PTPRJ: variants seen among roughly 807,000 people sequenced by gnomAD.
The protein encoded by PTPRJ is protein tyrosine phosphatase receptor type J.
Under a neutral mutation model 141.3 loss-of-function variants are expected in PTPRJ, and 129 were observed. The ratio of observed to expected loss-of-function variants is 0.91; its 90% confidence interval spans 0.79 to 1.06. The LOEUF (loss-of-function observed/expected upper bound fraction) is 1.06, where lower values mean the gene tolerates loss of function less well. PTPRJ is among the 50% of genes least tolerant of loss of function. PTPRJ has a pLI of 0.00. For synonymous variants in PTPRJ, 610 were observed against 640.5 expected, an observed-to-expected ratio of 0.95 and a Z score of 0.72; for missense variants, 1,601 against 1,679.7, an observed-to-expected ratio of 0.95 and a Z score of 0.82.
At chr11:48,043,830 C>G (rs867433135) in intron 1 of PTPRJ, among the ~76,000 whole-genome samples, 7 of 152,098 alleles carry the variant, frequency 4.6e-5, no homozygotes, top group African/African-American at 1.4e-4. Flanking sequence ...GCTTCTTTCT[C>G]GAAACCATCC....
In PTPRJ at chr11:48,139,728, G is replaced by A. The variant is rs1397382232; in HGVS notation, c.2395G>A (p.Gly799Arg). The A allele has an allele frequency of 1.2e-6, 2 of 1,614,134 alleles. No individual in the cohort carries two copies. The highest frequency in any genetic ancestry group is 2.2e-5 in the South Asian group (2 of 91,080). Residue 799 changes from glycine (G) to arginine (R), a missense_variant, in exon 11 of 25, where the codon GGA becomes AGA. Gly to Arg is a moderately radical substitution (Grantham distance 125). Transcript: ENST00000418331. ...YNISITTVSC[G>R]KMAAPTRNTC... ...CATCAGCATCACCACTGTGTCCTGT[G>A]GAAAGATGGCAGCCCCCACCCGGAA... is the stretch of plus-strand genomic sequence containing the variant.
intron 1 of PTPRJ, among the ~76,000 whole-genome samples, chr11:48,006,403 A>C (rs1368660591): frequency 6.6e-6 from 1 of 152,122 alleles, no homozygotes; most frequent in Non-Finnish European, 1.5e-5. Flanking sequence ...GACATGCAGC[A>C]GGTGCAGGCA....
At chr11:47,995,629 T>A (rs1042839550) in intron 1 of PTPRJ, among the ~76,000 whole-genome samples, 5 of 152,194 alleles carry the variant, frequency 3.3e-5, no homozygotes, top group African/African-American at 1.2e-4. Flanking sequence ...CTGACCCAGA[T>A]TAAGTGATGT....
chr11:48,046,528 T>G (rs1256969529), intron 1 of PTPRJ, among the ~76,000 whole-genome samples: 2 of 152,084 alleles, frequency 1.3e-5, no homozygotes, highest in East Asian at 3.9e-4. Flanking sequence ...TTGGCTTTGG[T>G]GGATGAGACT....
rs1441075790 is a variant in PTPRJ at position 48,127,975 on chromosome 11, A to G, written c.1289A>G (p.Tyr430Cys). The change falls in exon 7 of 25, where the codon TAC becomes TGC. Residue 430 changes from tyrosine to cysteine, a missense_variant. Tyr to Cys is a radical substitution (Grantham distance 194, BLOSUM62 -2). Coordinates refer to ENST00000418331, the MANE Select transcript of PTPRJ (RefSeq NM_002843.4). ...CCCGGACTCCGCTCCAGCACCTTCT[A>G]CAACATCACAGTGTGTCCTGTCCTA... ...VIPGLRSSTFYNITVCPVLGD... is the reference protein window; with the variant it reads ...VIPGLRSSTFCNITVCPVLGD... The G allele has an allele frequency of 1.2e-6, 2 of 1,614,026 alleles. No individual in the cohort carries two copies. The highest frequency in any genetic ancestry group is 1.7e-6 in the Non-Finnish European group (2 of 1,180,026).
At chr11:48,146,481 G>A (rs991099614) in intron 14 of PTPRJ, among the ~76,000 whole-genome samples, 1 of 152,194 alleles carries the variant, frequency 6.6e-6, no homozygotes, top group Non-Finnish European at 1.5e-5. Context: ...CCTGTCACCT[G>A]AGCATGGATG....
intron 3 of PTPRJ, among the ~76,000 whole-genome samples, chr11:48,118,328 C>G (rs922494035): frequency 6.6e-6 from 1 of 152,162 alleles, no homozygotes; most frequent in African/African-American, 2.4e-5. Context: ...CAAGTGACCC[C>G]CACCACCTTG....
intron 1 of PTPRJ, among the ~76,000 whole-genome samples, chr11:47,990,979 G>GA (rs554261541): frequency 4.1e-4 from 62 of 151,992 alleles, no homozygotes; most frequent in African/African-American, 1.4e-3. Flanking sequence ...GTGACCGGCG[G>GA]AAAGTGTTGG....
chr11:48,004,903 C>G (rs1262880461), intron 1 of PTPRJ, among the ~76,000 whole-genome samples: 2 of 152,070 alleles, frequency 1.3e-5, no homozygotes, highest in Admixed American at 6.5e-5. Flanking sequence ...AATTTACATA[C>G]AGTAAAATTC....
intron 16 of PTPRJ, chr11:48,149,746 T>A (rs1857436442): frequency 1.8e-6 from 1 of 548,180 alleles, no homozygotes; most frequent in Non-Finnish European, 3.2e-6. Flanking sequence ...TCAAATAGGT[T>A]ATCAAGATCC....
rs2134395681 is a variant in PTPRJ at position 48,170,409 on chromosome 11, C to CG, written c.*3052dup. 1 of 144,170 alleles carries CG rather than the reference C, an allele frequency of 6.9e-6. No individual in the cohort carries two copies. Among genetic ancestry groups the CG allele is most frequent in the African/African-American group, 2.5e-5 (1 of 39,588 alleles). 8.9% of individuals were successfully genotyped at this position (144,170 alleles called of 1,614,324 possible). A position where few individuals can be genotyped will look rare whatever the true frequency, so the allele number is the denominator to read the frequency against. ...TGTGCTCTGTTGAGTCAGAGGCTCC[C>CG]GGGGGTTGGGGATCGAGGGGCGGGG... is the stretch of plus-strand genomic sequence containing the variant. On this transcript the variant is annotated 3_prime_UTR_variant, in exon 25 of 25. Transcript: ENST00000418331.
chr11:48,015,093 A>G (rs546731758), intron 1 of PTPRJ, among the ~76,000 whole-genome samples: 87 of 152,090 alleles, frequency 5.7e-4, no homozygotes, highest in African/African-American at 2.1e-3. Flanking sequence ...TTTTTGGATT[A>G]TGTCATCAAA....
At position 47,983,378 on chromosome 11, in the gene PTPRJ, T is replaced by A. The variant is rs571370546; in HGVS notation, c.96+2370T>A. Among the ~76,000 whole-genome samples, 5 of 152,336 alleles carry A rather than the reference T, an allele frequency of 3.3e-5. No individual in the cohort carries two copies. The East Asian group carries it at 9.6e-4, about 29-fold the overall frequency. On this transcript the variant is annotated intron_variant, in intron 1 of 24. Coordinates refer to ENST00000418331, the MANE Select transcript of PTPRJ (RefSeq NM_002843.4). ...CTGACTGGTTTTTTGAGGCCTGGAT[T>A]GTGTGTGTATGTGCTTATGTGTGTG...
At chr11:48,004,791 G>A (rs764109287) in intron 1 of PTPRJ, among the ~76,000 whole-genome samples, 6 of 152,154 alleles carry the variant, frequency 3.9e-5, no homozygotes, top group Non-Finnish European at 7.4e-5. Flanking sequence ...TGTAGAGAAT[G>A]AGGTATCATG....
chr11:48,147,011 T>C, intron 15 of PTPRJ, 48 bp downstream of exon 15: 1 of 1,514,014 alleles, frequency 6.6e-7, no homozygotes, highest in South Asian at 1.1e-5. Context: ...TAAGGAAGCT[T>C]TCTATTAAGG....
intron 1 of PTPRJ, among the ~76,000 whole-genome samples, chr11:48,099,247 C>CCG (rs1361300643): frequency 6.6e-6 from 1 of 152,192 alleles, no homozygotes; most frequent in African/African-American, 2.4e-5. Flanking sequence ...CCAAATGCAG[C>CCG]CACTGCTTGT....
chr11:47,981,736 G>T (rs769691057), intron 1 of PTPRJ, among the ~76,000 whole-genome samples: 4 of 151,974 alleles, frequency 2.6e-5, no homozygotes, highest in Admixed American at 6.5e-5. Flanking sequence ...TGGCGTTTTG[G>T]TGACCGACCT....
intron 1 of PTPRJ, among the ~76,000 whole-genome samples, chr11:48,057,502 A>G (rs369060446): frequency 6.6e-6 from 1 of 152,138 alleles, no homozygotes; most frequent in Non-Finnish European, 1.5e-5. Context: ...GATTAGGTGG[A>G]TGTACCAGGC....
At chr11:48,050,146 G>A (rs779920940) in intron 1 of PTPRJ, among the ~76,000 whole-genome samples, 1 of 152,264 alleles carries the variant, frequency 6.6e-6, no homozygotes, top group South Asian at 2.1e-4. Context: ...TTGAGAATGC[G>A]TGTTTTGTGG....
Sources: gnomAD v4.1 joint callset for allele counts (sites outside exome capture counted in the v4.1 genomes callset) on GRCh38, gnomAD v4.1.1 for gene constraint, MANE v1.5 for transcripts, NCBI Gene and HGNC (gene_info 2026-07-23, HGNC 2026-07-21) for gene names.